CABLES1: variants seen among roughly 807,000 people sequenced by gnomAD.
The protein encoded by CABLES1 is CDK5 and ABL1 enzyme substrate 1.
Under a neutral mutation model 57.8 loss-of-function variants are expected in CABLES1, and 36 were observed. The observed-to-expected ratio is 0.62, with a 90% confidence interval of 0.48 to 0.82. The LOEUF (loss-of-function observed/expected upper bound fraction) is 0.82, where lower values mean the gene tolerates loss of function less well. Among genes scored for constraint, CABLES1 ranks in the 40% least tolerant of loss-of-function variants. CABLES1 has a pLI of 0.00. For synonymous variants in CABLES1, 374 were observed against 363.0 expected (o/e 1.03, Z -0.35); for missense variants, 767 against 836.6 (o/e 0.92, Z 1.03).
At chr18:23,204,490 G>C (rs2047348279) in intron 3 of CABLES1, 1 of 152,204 alleles carries the variant, frequency 6.6e-6, no homozygotes, top group Non-Finnish European at 1.5e-5. Context: ...ACAGAGGAAA[G>C]GTAAAAGAGT....
At chr18:23,153,931 G>A (rs144834887) in intron 1 of CABLES1, among the ~76,000 whole-genome samples, 1 of 152,024 alleles carries the variant, frequency 6.6e-6, no homozygotes, top group African/African-American at 2.4e-5. Flanking sequence ...CCTAGGACGC[G>A]GAAGCACAAG....
chr18:23,149,044 C>G (rs928374403), intron 1 of CABLES1, among the ~76,000 whole-genome samples: 49 of 152,024 alleles, frequency 3.2e-4, no homozygotes, highest in Non-Finnish European at 5.9e-5. Context: ...TGTGTGCCAC[C>G]ATGCCCAGAT....
intron 2 of CABLES1, among the ~76,000 whole-genome samples, chr18:23,190,024 A>G (rs375980877): frequency 1.8e-4 from 28 of 152,274 alleles, no homozygotes; most frequent in Middle Eastern, 6.8e-3. Flanking sequence ...AGCGTGGGTA[A>G]CCTCCAGGTG....
At chr18:23,201,490 A>G (rs1251644278) in intron 3 of CABLES1, among the ~76,000 whole-genome samples, 2 of 152,228 alleles carry the variant, frequency 1.3e-5, no homozygotes, top group African/African-American at 4.8e-5. Flanking sequence ...AAATGAGCCA[A>G]TCACGAAAGG....
At position 23,246,682 on chromosome 18, in the gene CABLES1, C is replaced by T. The variant is rs914231165; in HGVS notation, c.1447-6278C>T. Among the ~76,000 whole-genome samples the T allele has an allele frequency of 1.2e-4, 18 of 151,594 alleles. 1 individual carries two copies. The highest frequency in any genetic ancestry group is 5.3e-4 in the Admixed American group (8 of 15,234). ...CTGGGATTATATGCTTGAGCCACCG[C>T]ACCCGGCCAGTTTTTTCGTTTTTGT... On this transcript the variant is annotated intron_variant, in intron 7 of 9. Coordinates refer to ENST00000256925, the MANE Select transcript of CABLES1 (RefSeq NM_001100619.3).
intron 4 of CABLES1, among the ~76,000 whole-genome samples, chr18:23,233,999 C>A (rs569165786): frequency 6.6e-6 from 1 of 152,158 alleles, no homozygotes; most frequent in South Asian, 2.1e-4. Flanking sequence ...GGTGGATCAC[C>A]TGAGGTCAGG....
intron 1 of CABLES1, 88 bp downstream of exon 1, chr18:23,136,695 G>T: frequency 1.1e-6 from 1 of 880,342 alleles, no homozygotes; most frequent in Non-Finnish European, 1.6e-6. Context: ...ACGGGACACG[G>T]GTTGCTCCCA....
intron 3 of CABLES1, among the ~76,000 whole-genome samples, chr18:23,212,708 C>T (rs575713141): frequency 6.6e-6 from 1 of 152,278 alleles, no homozygotes; most frequent in South Asian, 2.1e-4. Context: ...AAATGATCAG[C>T]AGTGTGGATC....
Position 23,191,453 on chromosome 18 carries a change from A to G in CABLES1, c.917+2544A>G, listed in dbSNP as rs139435995. ...GGGCCTCAGTTTTCCCATCTATAAA[A>G]TGGGAAGACCAATTGGCTGATCGCT... is the stretch of plus-strand genomic sequence containing the variant. On this transcript the variant is annotated intron_variant, in intron 2 of 9. Transcript: ENST00000256925. 4.7e-4 allele frequency among the ~76,000 whole-genome samples: 71 copies of G among 152,282 alleles called. 2 individuals carry two copies. In the East Asian group the frequency reaches 0.012, roughly 26 times the overall value.
chr18:23,141,845 C>G (rs536938570), intron 1 of CABLES1, among the ~76,000 whole-genome samples: 2 of 152,052 alleles, frequency 1.3e-5, no homozygotes, highest in African/African-American at 4.8e-5. Context: ...CAGGAAGCGC[C>G]GATGCCTGGA....
chr18:23,195,193 C>T (rs890607592), intron 3 of CABLES1, among the ~76,000 whole-genome samples: 1 of 152,202 alleles, frequency 6.6e-6, no homozygotes, highest in South Asian at 2.1e-4. Context: ...CCAGCATGCT[C>T]ATGATTGGAT....
At chr18:23,159,758 A>C (rs1307269724) in intron 1 of CABLES1, among the ~76,000 whole-genome samples, 2 of 152,244 alleles carry the variant, frequency 1.3e-5, no homozygotes, top group African/African-American at 4.8e-5. Flanking sequence ...CAAGATTAAA[A>C]TTAGTCTGCT....
chr18:23,239,148 G>A (rs1382055023), intron 7 of CABLES1, among the ~76,000 whole-genome samples: 1 of 152,190 alleles, frequency 6.6e-6, no homozygotes, highest in Non-Finnish European at 1.5e-5. Flanking sequence ...GTGTGTATGT[G>A]CGTGTGCACG....
chr18:23,251,923 TA>T (rs1200755545), intron 7 of CABLES1, among the ~76,000 whole-genome samples: 4 of 151,956 alleles, frequency 2.6e-5, no homozygotes, highest in Non-Finnish European at 5.9e-5. Context: ...CAGTCTCTCT[TA>T]AAAATACAAA....
At chr18:23,144,938 CTTT>C (rs760845340) in intron 1 of CABLES1, among the ~76,000 whole-genome samples, 1 of 141,682 alleles carries the variant, frequency 7.1e-6, no homozygotes, top group Non-Finnish European at 1.5e-5. Context: ...TTTTTTCTTT[CTTT>C]TTTTTTTTCT....
At chr18:23,225,681 T>C (rs1420574926) in intron 4 of CABLES1, among the ~76,000 whole-genome samples, 1 of 152,234 alleles carries the variant, frequency 6.6e-6, no homozygotes, top group African/African-American at 2.4e-5. Context: ...AGCTCCTTTT[T>C]CCTCAACTAA....
At chr18:23,248,385 T>G (rs575593876) in intron 7 of CABLES1, among the ~76,000 whole-genome samples, 152 of 151,996 alleles carry the variant, frequency 1.0e-3, no homozygotes, top group Middle Eastern at 3.4e-3. Context: ...TCTAGCAAGT[T>G]TAAGAAGAAA....
chr18:23,198,408 T>A (rs2047300002), intron 3 of CABLES1, among the ~76,000 whole-genome samples: 1 of 152,154 alleles, frequency 6.6e-6, no homozygotes, highest in Non-Finnish European at 1.5e-5. Context: ...GAAATACAAA[T>A]AATCCTTGAA....
chr18:23,155,865 A>G lies in CABLES1; in HGVS notation c.845+19258A>G, dbSNP rs796820200. On this transcript the variant is annotated intron_variant, in intron 1 of 9. Transcript: ENST00000256925. ...TGGTGTTTGAATGACTCATAAAATG[A>G]GTTTGGAGTGGTCTGAAGCCTCTGC... 2.5e-6 allele frequency: 4 copies of G among 1,613,354 alleles called. No individual in the cohort carries two copies. The African/African-American group carries it at 5.3e-5, about 22-fold the overall frequency.
Sources: gnomAD v4.1 joint callset for allele counts (sites outside exome capture counted in the v4.1 genomes callset) on GRCh38, gnomAD v4.1.1 for gene constraint, MANE v1.5 for transcripts, NCBI Gene and HGNC (gene_info 2026-07-23, HGNC 2026-07-21) for gene names.